LYZL4: variants seen among roughly 807,000 people sequenced by gnomAD.
LYZL4 encodes the protein lysozyme-like protein 4.
A neutral mutation model predicts 17.6 loss-of-function variants in LYZL4; 13 were observed. The ratio of observed to expected loss-of-function variants is 0.74; its 90% CI spans 0.48 to 1.18. The LOEUF (loss-of-function observed/expected upper bound fraction) is 1.18. LYZL4 is among the 50% of genes most tolerant of loss of function. The probability of loss-of-function intolerance (pLI) is 0.00; values close to 1 mark genes in which losing one functional copy is unlikely to be tolerated. For missense variants in LYZL4, 174 were observed against 188.2 expected (o/e 0.92, Z 0.44); for synonymous variants, 64 against 67.7 (o/e 0.95, Z 0.27).
chr3:42,402,089 A>G (rs146077997), intron 4 of LYZL4, among the ~76,000 whole-genome samples: 43 of 151,210 alleles, frequency 2.8e-4, no homozygotes, highest in South Asian at 6.3e-4. Flanking sequence ...AAATTAGACT[A>G]CATTGTGACT....
chr3:42,386,955 A>T, the LYZL4 span, among the ~76,000 whole-genome samples: 3 of 152,286 alleles, frequency 2.0e-5, no homozygotes, highest in South Asian at 6.2e-4. Flanking sequence ...TTGTCTTTAT[A>T]TGTTTAAAAT....
chr3:42,406,403 G>A (rs565745416), intron 3 of LYZL4, among the ~76,000 whole-genome samples: 82 of 140,980 alleles, frequency 5.8e-4, no homozygotes, highest in African/African-American at 2.0e-3. Flanking sequence ...GCCGTGAGCC[G>A]AGATCGCGCC....
the LYZL4 span, among the ~76,000 whole-genome samples, chr3:42,365,956 A>T: frequency 6.6e-6 from 1 of 152,284 alleles, no homozygotes; most frequent in African/African-American, 2.4e-5. Flanking sequence ...TATCACTCCA[A>T]GCCCTCTACC....
At chr3:42,392,691 G>A (rs990626803), downstream of LYZL4, among the ~76,000 whole-genome samples, 36 of 152,182 alleles carry the variant, frequency 2.4e-4, no homozygotes, top group Admixed American at 2.6e-4. Flanking sequence ...CAGGGCAGGA[G>A]AGAAGTGAGG....
At chr3:42,390,664 C>G in the LYZL4 span, among the ~76,000 whole-genome samples, 1 of 152,110 alleles carries the variant, frequency 6.6e-6, no homozygotes, top group Non-Finnish European at 1.5e-5. Context: ...TGTGCCTGCC[C>G]TGCTTGCAAT....
chr3:42,367,854 T>C, the LYZL4 span, among the ~76,000 whole-genome samples: 1 of 152,200 alleles, frequency 6.6e-6, no homozygotes, highest in Non-Finnish European at 1.5e-5. Flanking sequence ...ATGTTTATTA[T>C]GTAATATTTG....
chr3:42,375,288 T>C, the LYZL4 span, among the ~76,000 whole-genome samples: 1 of 152,226 alleles, frequency 6.6e-6, no homozygotes, highest in African/African-American at 2.4e-5. Context: ...GAATAGTCGA[T>C]CTAACCGTTG....
At chr3:42,363,830 A>G in the LYZL4 span, among the ~76,000 whole-genome samples, 1 of 152,236 alleles carries the variant, frequency 6.6e-6, no homozygotes, top group Non-Finnish European at 1.5e-5. Context: ...GGGACTAAGC[A>G]TTCGTATGGT....
At chr3:42,366,206 C>G in the LYZL4 span, among the ~76,000 whole-genome samples, 2 of 152,100 alleles carry the variant, frequency 1.3e-5, no homozygotes. Context: ...GTCTCAGGAC[C>G]TCCAGGAAGT....
the LYZL4 span, among the ~76,000 whole-genome samples, chr3:42,391,044 A>G: frequency 6.6e-6 from 1 of 152,146 alleles, no homozygotes; most frequent in African/African-American, 2.4e-5. Flanking sequence ...TGTTTGACAT[A>G]CGTACCCATG....
At chr3:42,370,329 C>G in the LYZL4 span, among the ~76,000 whole-genome samples, 27 of 149,570 alleles carry the variant, frequency 1.8e-4, no homozygotes, top group African/African-American at 6.1e-4. Context: ...TTTTCCTTCT[C>G]TTTCTCCAGG....
the LYZL4 span, among the ~76,000 whole-genome samples, chr3:42,382,828 G>C: frequency 6.6e-6 from 1 of 151,984 alleles, no homozygotes; most frequent in Non-Finnish European, 1.5e-5. Flanking sequence ...AAATGGGAAA[G>C]CAGAGCATGC....
chr3:42,381,786 T>C, the LYZL4 span, among the ~76,000 whole-genome samples: 2 of 152,228 alleles, frequency 1.3e-5, no homozygotes, highest in Non-Finnish European at 2.9e-5. Context: ...TACCTTTTAG[T>C]CATGGAAACT....
intron 4 of LYZL4, among the ~76,000 whole-genome samples, chr3:42,399,021 A>G (rs530816997): frequency 5.3e-5 from 8 of 152,380 alleles, no homozygotes; most frequent in Non-Finnish European, 1.0e-4. Context: ...TTATCAACCC[A>G]ATAGAAAAAT....
chr3:42,373,946 T>C, the LYZL4 span, among the ~76,000 whole-genome samples: 4 of 152,254 alleles, frequency 2.6e-5, no homozygotes, highest in South Asian at 6.2e-4. Flanking sequence ...CTTCTAAATG[T>C]AAGGATAATG....
At chr3:42,398,575 A>G (rs1162688858) in intron 4 of LYZL4, among the ~76,000 whole-genome samples, 5 of 152,264 alleles carry the variant, frequency 3.3e-5, no homozygotes, top group African/African-American at 9.6e-5. Flanking sequence ...TATTGAAATC[A>G]ATGACTAGCC....
intron 4 of LYZL4, among the ~76,000 whole-genome samples, chr3:42,399,540 A>T (rs1395000932): frequency 8.5e-5 from 13 of 152,174 alleles, no homozygotes; most frequent in African/African-American, 2.7e-4. Context: ...TAATGCCAAG[A>T]TTCATGAGCT....
At chr3:42,362,411 G>C in the LYZL4 span, among the ~76,000 whole-genome samples, 10 of 152,284 alleles carry the variant, frequency 6.6e-5, no homozygotes, top group African/African-American at 2.4e-4. Context: ...TTAGTTCACT[G>C]AACTGCTATA....
chr3:42,409,234 A>G (rs1301398966), intron 1 of LYZL4, among the ~76,000 whole-genome samples: 1 of 152,184 alleles, frequency 6.6e-6, no homozygotes, highest in Non-Finnish European at 1.5e-5. Flanking sequence ...ACAGATTAAA[A>G]CAGTACTTAA....
Sources: gnomAD v4.1 joint callset for allele counts (sites outside exome capture counted in the v4.1 genomes callset) on GRCh38, gnomAD v4.1.1 for gene constraint, MANE v1.5 for transcripts, NCBI Gene and HGNC (gene_info 2026-07-23, HGNC 2026-07-21) for gene names.